The following SDF2 variants were observed in gnomAD, a reference collection of about 807,000 sequenced individuals.
SDF2 encodes stromal cell-derived factor 2.
SDF2 carries 12 observed loss-of-function variants against 20.5 expected under a neutral mutation model. That is an observed-to-expected ratio of 0.58 (90% CI 0.37 to 0.95). The LOEUF (loss-of-function observed/expected upper bound fraction) is 0.95, where lower values mean the gene tolerates loss of function less well. Among genes scored for constraint, SDF2 ranks in the 40% least tolerant of loss-of-function variants. SDF2 has a pLI of 0.01. For synonymous variants in SDF2, 100 were observed against 101.0 expected (o/e 0.99, Z 0.06); for missense variants, 238 against 263.1 (o/e 0.90, Z 0.66).
At chr17:28,650,553 A>T (rs2151580697) in intron 2 of SDF2, among the ~76,000 whole-genome samples, 1 of 151,342 alleles carries the variant, frequency 6.6e-6, no homozygotes, top group South Asian at 2.1e-4. Context: ...TGGGAGGGCG[A>T]GGCGGGCAGA....
chr17:28,658,833 C>T lies in SDF2; in HGVS notation c.151+2893G>A, dbSNP rs531195426. On this transcript the variant is annotated intron_variant, in intron 1 of 2. Transcript: ENST00000247020. ...ACTTCACACTTGGAAGACTGCACAGCGGCCAGGCAGAGGCGCTCCTCACTT... is the reference window on the plus strand; with the variant it reads ...ACTTCACACTTGGAAGACTGCACAGTGGCCAGGCAGAGGCGCTCCTCACTT... Among the ~76,000 whole-genome samples the T allele has an allele frequency of 3.3e-5, 5 of 152,204 alleles. No homozygotes were observed. In the East Asian group the frequency reaches 7.7e-4, roughly 23 times the overall value.
chr17:28,656,809 A>G (rs2071967403), intron 1 of SDF2, among the ~76,000 whole-genome samples: 1 of 152,168 alleles, frequency 6.6e-6, no homozygotes. Context: ...CATGTTTGTA[A>G]TATTATTCAT....
intron 2 of SDF2, among the ~76,000 whole-genome samples, chr17:28,654,744 G>A (rs1324420821): frequency 6.6e-6 from 1 of 152,040 alleles, no homozygotes; most frequent in African/African-American, 2.4e-5. Flanking sequence ...AAGGTCAGGA[G>A]TTCGAGACCA....
intron 2 of SDF2, among the ~76,000 whole-genome samples, chr17:28,653,766 C>T (rs578250196): frequency 6.6e-5 from 10 of 151,870 alleles, no homozygotes; most frequent in Non-Finnish European, 7.4e-5. Flanking sequence ...GAGCTGAGAT[C>T]GCGCCATAGC....
rs747870588 is a variant in SDF2, at chr17:28,661,900, A to C, written c.-24T>G. 6.3e-7 allele frequency: 1 copy of C among 1,583,940 alleles called. No individual in the cohort carries two copies. Among genetic ancestry groups the C allele is most frequent in the South Asian group, 1.1e-5 (1 of 89,892 alleles). ...ATCCTAACTGTATCGCGGAGCCCCAAATCTTCGAAGAAAACTCGGCCCCTC... is the reference window on the plus strand; with the variant it reads ...ATCCTAACTGTATCGCGGAGCCCCACATCTTCGAAGAAAACTCGGCCCCTC... On this transcript the variant is annotated 5_prime_UTR_variant, in exon 1 of 3. It adds an upstream start codon to the 5' untranslated region. Coordinates refer to ENST00000247020, the MANE Select transcript of SDF2 (RefSeq NM_006923.4).
At position 28,648,381 on chromosome 17, in the gene SDF2, TGA is replaced by T. The variant is rs1429357889; in HGVS notation, c.*606_*607del. ...TGGCTATTTATTATGCTGTATTCTCTGAGAGTTTTTAGCTATAATTAGTCAAA... is the reference window on the plus strand; with the variant it reads ...TGGCTATTTATTATGCTGTATTCTCTGAGTTTTTAGCTATAATTAGTCAAA... On this transcript the variant is annotated 3_prime_UTR_variant, in exon 3 of 3. Coordinates refer to ENST00000247020, the MANE Select transcript of SDF2 (RefSeq NM_006923.4). 6.5e-6 allele frequency: 1 copy of T among 153,300 alleles called. No homozygotes were observed. The highest frequency in any genetic ancestry group is 2.0e-4 in the South Asian group (1 of 4,906). 9.5% of individuals were successfully genotyped at this position (153,300 alleles called of 1,614,324 possible). A position where few individuals can be genotyped will look rare whatever the true frequency, so the allele number is the denominator to read the frequency against.
chr17:28,661,042 T>A (rs2072029945), intron 1 of SDF2: 1 of 370,296 alleles, frequency 2.7e-6, no homozygotes, highest in African/African-American at 2.4e-5. Flanking sequence ...GCTGAATGAA[T>A]CCACAAATAA....
Position 28,649,002 on chromosome 17 carries a change from T to C in SDF2, c.623A>G (p.His208Arg). The change falls in exon 3 of 3, where the codon CAT becomes CGT. Residue 208 changes from histidine (H) to arginine (R), a missense_variant. His to Arg is a conservative substitution (Grantham distance 29, BLOSUM62 0). Transcript: ENST00000247020. ...PSELLKAEAH[H>R]AEL ...GAGCCTCTAGATTCACAGCTCTGCA[T>C]GGTGGGCTTCTGCCTTCAACAACTC... The C allele has an allele frequency of 6.2e-7, 1 of 1,614,186 alleles. No homozygotes were observed. The highest frequency in any genetic ancestry group is 8.5e-7 in the Non-Finnish European group (1 of 1,180,020).
intron 2 of SDF2, among the ~76,000 whole-genome samples, chr17:28,650,735 G>C (rs1347099834): frequency 7.2e-6 from 1 of 138,198 alleles, no homozygotes. Context: ...GCCGTGAGCC[G>C]AAGGTTGCAG....
chr17:28,660,497 C>G (rs946310244), intron 1 of SDF2: 1 of 152,434 alleles, frequency 6.6e-6, no homozygotes, highest in Non-Finnish European at 1.5e-5. Flanking sequence ...CGGACTGAAC[C>G]TGGTTCCCAA....
intron 2 of SDF2, among the ~76,000 whole-genome samples, chr17:28,654,557 A>G (rs1180644355): frequency 1.3e-5 from 2 of 152,116 alleles, no homozygotes; most frequent in Non-Finnish European, 2.9e-5. Context: ...GCTCATGCCT[A>G]TAATCCCAAC....
intron 1 of SDF2, among the ~76,000 whole-genome samples, chr17:28,658,237 C>T (rs1212880555): frequency 1.3e-5 from 2 of 149,848 alleles, no homozygotes; most frequent in Non-Finnish European, 3.0e-5. Context: ...TGGCCTTCAT[C>T]TGTTTCTACC....
Position 28,649,228 on chromosome 17 carries a change from A to G in SDF2, c.397T>C (p.Trp133Arg). ...EEGEGDYLDD[W>R]TVLCNGPYWV... The stretch of plus-strand genomic sequence containing the variant: ...TAGGGTCCATTACAGAGCACTGTCC[A>G]GTCATCCAGATAATCACCTTCACCT... The change falls in exon 3 of 3, where the codon TGG becomes CGG. Residue 133 changes from tryptophan (W) to arginine (R), a missense_variant. Coordinates refer to ENST00000247020, the MANE Select transcript of SDF2 (RefSeq NM_006923.4). 1 of 1,614,208 alleles carries G rather than the reference A, an allele frequency of 6.2e-7. No homozygotes were observed. The highest frequency in any genetic ancestry group is 8.5e-7 in the Non-Finnish European group (1 of 1,180,026).
At chr17:28,662,067 G>A (rs1036209088), upstream of SDF2, 4 of 576,650 alleles carry the variant, frequency 6.9e-6, no homozygotes, top group Non-Finnish European at 1.2e-5. Flanking sequence ...TCTGTTCCAG[G>A]GGCTCAGTGA....
intron 2 of SDF2, among the ~76,000 whole-genome samples, chr17:28,652,962 T>C (rs1459564588): frequency 1.3e-5 from 2 of 152,170 alleles, no homozygotes; most frequent in Admixed American, 1.3e-4. Flanking sequence ...GTATAAACTA[T>C]CCATAAGTTT....
intron 2 of SDF2, among the ~76,000 whole-genome samples, chr17:28,654,352 A>AT (rs1351438449): frequency 6.6e-6 from 1 of 151,462 alleles, no homozygotes; most frequent in Non-Finnish European, 1.5e-5. Context: ...AGTTAGCATC[A>AT]TTAAAAAAAA....
chr17:28,659,498 C>T (rs1186653738), intron 1 of SDF2, among the ~76,000 whole-genome samples: 1 of 147,474 alleles, frequency 6.8e-6, no homozygotes, highest in Non-Finnish European at 1.5e-5. Flanking sequence ...TCCTCACCTC[C>T]CAGATAATGG....
chr17:28,651,468 T>G (rs1007038286), intron 2 of SDF2: 6 of 152,268 alleles, frequency 3.9e-5, no homozygotes, highest in Non-Finnish European at 1.5e-5. Context: ...GGGAATGGAC[T>G]CTGGGAGTCA....
At chr17:28,657,404 ATT>A (rs112350318) in intron 1 of SDF2, among the ~76,000 whole-genome samples, 1 of 146,326 alleles carries the variant, frequency 6.8e-6, no homozygotes, top group African/African-American at 2.5e-5. Flanking sequence ...ATATATATGT[ATT>A]TTTTTTTTTT....
Sources: gnomAD v4.1 joint callset for allele counts (sites outside exome capture counted in the v4.1 genomes callset) on GRCh38, gnomAD v4.1.1 for gene constraint, MANE v1.5 for transcripts, NCBI Gene and HGNC (gene_info 2026-07-23, HGNC 2026-07-21) for gene names.